WASF3: variants seen among roughly 807,000 people sequenced by gnomAD.
WASF3 encodes WASP family member 3.
Under a neutral mutation model 46.6 loss-of-function variants are expected in WASF3, and 11 were observed. The observed-to-expected ratio is 0.24, with a 90% confidence interval of 0.15 to 0.39. The LOEUF (loss-of-function observed/expected upper bound fraction) is 0.39. WASF3 is among the 10% of genes least tolerant of loss of function. WASF3 has a pLI of 1.00. For missense variants in WASF3, 576 were observed against 669.8 expected (o/e 0.86, Z 1.55); for synonymous variants, 242 against 259.7 (o/e 0.93, Z 0.65).
chr13:26,631,924 C>G (rs779187447), intron 2 of WASF3, among the ~76,000 whole-genome samples: 1 of 152,154 alleles, frequency 6.6e-6, no homozygotes, highest in African/African-American at 2.4e-5. Context: ...ATTTTATTCT[C>G]TTTGTAGCAA....
chr13:26,598,139 C>A (rs1414637817), intron 1 of WASF3, among the ~76,000 whole-genome samples: 2 of 152,190 alleles, frequency 1.3e-5, no homozygotes, highest in Non-Finnish European at 2.9e-5. Flanking sequence ...TGTTTCCTGT[C>A]TTTCTAATGA....
In WASF3 at chr13:26,686,737, GGAGCCCTGCTCCTTTAGTTTCCT is replaced by G. The variant is rs66759477; in HGVS notation, c.*895_*917del. The G allele has an allele frequency of 0.29, 44,037 of 152,212 alleles. 6,611 individuals carry two copies. Among genetic ancestry groups the G allele is most frequent in the South Asian group, 0.39 (1,893 of 4,824 alleles). The allele number at this position is 152,212 out of a possible 1,614,324, so 9.4% of individuals were successfully genotyped here. A position where few individuals can be genotyped will look rare whatever the true frequency, so the allele number is the denominator to read the frequency against. On this transcript the variant is annotated 3_prime_UTR_variant, in exon 10 of 10. Coordinates refer to ENST00000335327, the MANE Select transcript of WASF3 (RefSeq NM_006646.6). The stretch of plus-strand genomic sequence containing the variant: ...TGCGGCACAGGGCCTGGGCTGCAAA[GGAGCCCTGCTCCTTTAGTTTCCT>G]GACACCTGTGTCCTGAGTGAGCCGC...
chr13:26,540,865 A>G, the WASF3 span, among the ~76,000 whole-genome samples: 1 of 152,184 alleles, frequency 6.6e-6, no homozygotes, highest in East Asian at 1.9e-4. Context: ...AGGTTGGTTG[A>G]CATAGTAAGA....
intron 9 of WASF3, among the ~76,000 whole-genome samples, chr13:26,683,455 G>A (rs1476732919): frequency 2.0e-5 from 3 of 149,030 alleles, no homozygotes; most frequent in African/African-American, 7.5e-5. Flanking sequence ...CAGCCTAGGC[G>A]ACAGAGCGAG....
chr13:26,599,095 C>T (rs1287276605), intron 1 of WASF3, among the ~76,000 whole-genome samples: 10 of 151,696 alleles, frequency 6.6e-5, no homozygotes, highest in Admixed American at 2.0e-4. Flanking sequence ...CTCCTGACCT[C>T]GGGTGATTCA....
the WASF3 span, among the ~76,000 whole-genome samples, chr13:26,541,893 G>A: frequency 6.6e-6 from 1 of 152,120 alleles, no homozygotes; most frequent in South Asian, 2.1e-4. Context: ...TAATCCATCT[G>A]TCACTCTGCA....
chr13:26,614,935 C>T (rs1447394241), intron 2 of WASF3, among the ~76,000 whole-genome samples: 1 of 103,656 alleles, frequency 9.6e-6, no homozygotes, highest in Non-Finnish European at 2.0e-5. Flanking sequence ...TTTGTAGAAG[C>T]GCTGTCTGTG....
chr13:26,636,343 C>G (rs538942759), intron 2 of WASF3, among the ~76,000 whole-genome samples: 2 of 152,344 alleles, frequency 1.3e-5, no homozygotes, highest in East Asian at 1.9e-4. Context: ...ATCTCCTGGT[C>G]TGCTGGTTGC....
At chr13:26,657,356 A>G (rs1306995942) in intron 3 of WASF3, among the ~76,000 whole-genome samples, 1 of 152,186 alleles carries the variant, frequency 6.6e-6, no homozygotes, top group Non-Finnish European at 1.5e-5. Context: ...ATTTTACTCT[A>G]TTGTAACTTG....
intron 2 of WASF3, among the ~76,000 whole-genome samples, chr13:26,630,063 G>A (rs959621350): frequency 2.1e-4 from 32 of 152,080 alleles, no homozygotes; most frequent in African/African-American, 7.0e-4. Flanking sequence ...TTGAAAAGGG[G>A]CATTTTAATT....
chr13:26,599,796 C>T (rs1335407411), intron 1 of WASF3, among the ~76,000 whole-genome samples: 1 of 152,174 alleles, frequency 6.6e-6, no homozygotes, highest in Non-Finnish European at 1.5e-5. Flanking sequence ...GTTCTATCCA[C>T]ATTTTCTAAA....
intron 7 of WASF3, 95 bp from the exon 8 acceptor site, chr13:26,680,959 T>C: frequency 6.9e-7 from 1 of 1,454,218 alleles, no homozygotes; most frequent in Non-Finnish European, 9.4e-7. Context: ...TTTTGTGTAT[T>C]AGCAATGTTA....
intron 5 of WASF3, among the ~76,000 whole-genome samples, chr13:26,670,791 TA>T (rs1268694377): frequency 4.6e-5 from 7 of 152,272 alleles, no homozygotes; most frequent in African/African-American, 1.7e-4. Context: ...AAGGTTAAGG[TA>T]TAGTGTGAGT....
rs761615926 is a variant in WASF3 at position 26,579,921 on chromosome 13, G to A, written c.-109+22102G>A. ...AAGCTTGTCCAACCTATGGCCCATG[G>A]GCTGCATGTGGCCCAGAATGGCTTT... On this transcript the variant is annotated intron_variant, in intron 1 of 9. Coordinates refer to ENST00000335327, the MANE Select transcript of WASF3 (RefSeq NM_006646.6). 2.6e-5 allele frequency among the ~76,000 whole-genome samples: 4 copies of A among 152,236 alleles called. No individual in the cohort carries two copies. In the South Asian group the frequency reaches 6.2e-4, roughly 24 times the overall value.
chr13:26,590,453 C>T (rs781426163), intron 1 of WASF3, among the ~76,000 whole-genome samples: 1 of 152,076 alleles, frequency 6.6e-6, no homozygotes, highest in Admixed American at 6.5e-5. Context: ...TTCTTTTTCT[C>T]TTTAAATGTC....
intron 2 of WASF3, among the ~76,000 whole-genome samples, chr13:26,624,721 G>T (rs1459671514): frequency 1.3e-5 from 2 of 152,004 alleles, no homozygotes; most frequent in Non-Finnish European, 2.9e-5. Flanking sequence ...GGAAAGTCTT[G>T]CAGGCAGCCA....
At chr13:26,641,669 G>A (rs1882000554) in intron 2 of WASF3, among the ~76,000 whole-genome samples, 1 of 152,182 alleles carries the variant, frequency 6.6e-6, no homozygotes, top group Non-Finnish European at 1.5e-5. Context: ...AAGCAGTCAT[G>A]ATGGGTGAGG....
intron 1 of WASF3, among the ~76,000 whole-genome samples, chr13:26,604,410 C>A (rs569936584): frequency 5.4e-4 from 82 of 151,882 alleles, no homozygotes; most frequent in African/African-American, 1.9e-3. Flanking sequence ...TAATGAAGGT[C>A]ATGATTAGGG....
At chr13:26,659,489 A>G (rs1882562150) in intron 3 of WASF3, among the ~76,000 whole-genome samples, 1 of 152,184 alleles carries the variant, frequency 6.6e-6, no homozygotes, top group South Asian at 2.1e-4. Context: ...ATGGATTTGA[A>G]CACTCAGAGG....
Sources: allele counts gnomAD v4.1 joint callset (sites outside exome capture counted in the v4.1 genomes callset), GRCh38; gene constraint gnomAD v4.1.1; transcripts MANE v1.5; gene names NCBI Gene and HGNC (gene_info 2026-07-23, HGNC 2026-07-21).